The following EIF4E variants were observed in gnomAD, a reference collection of about 807,000 sequenced individuals.
EIF4E encodes the protein eIF-4F 25 kDa subunit.
For missense variants in EIF4E, 113 were observed against 265.6 expected, an observed-to-expected ratio of 0.43 and a Z score of 3.99; for synonymous variants, 71 against 88.5, an observed-to-expected ratio of 0.80 and a Z score of 1.11.
At chr4:98,892,352 A>AG (rs1724183369) in intron 2 of EIF4E, among the ~76,000 whole-genome samples, 1 of 147,190 alleles carries the variant, frequency 6.8e-6, no homozygotes, top group African/African-American at 2.5e-5. Flanking sequence ...AAAAAAAAAA[A>AG]CAAAAAAAAC....
intron 1 of EIF4E, among the ~76,000 whole-genome samples, chr4:98,913,204 T>C (rs1725228566): frequency 7.1e-6 from 1 of 141,038 alleles, no homozygotes; most frequent in Non-Finnish European, 1.6e-5. Flanking sequence ...CAAGACTCCA[T>C]CTCAAAAAAA....
intron 1 of EIF4E, among the ~76,000 whole-genome samples, chr4:98,911,661 C>CAAAAAAAA (rs767631331): frequency 1.3e-4 from 8 of 60,042 alleles, no homozygotes; most frequent in African/African-American, 3.7e-4. Flanking sequence ...AACTCTGTCT[C>CAAAAAAAA]AAAAAAAAAA....
rs368665478 is a variant in EIF4E at position 98,922,333 on chromosome 4, G to A, written c.18+6762C>T. 3.2e-4 allele frequency among the ~76,000 whole-genome samples: 48 copies of A among 152,150 alleles called. 1 individual carries two copies. The East Asian group carries it at 6.6e-3, about 21-fold the overall frequency. On this transcript the variant is annotated intron_variant, in intron 1 of 6. Transcript: ENST00000450253. ...AGCACTTTGGGAGGCTGAGGTGGGC[G>A]GATCACGAGGTCAGGAGTTCGAGAC... is the stretch of plus-strand genomic sequence containing the variant.
chr4:98,890,234 G>C (rs1055007850), intron 3 of EIF4E, among the ~76,000 whole-genome samples: 12 of 152,050 alleles, frequency 7.9e-5, no homozygotes, highest in Non-Finnish European at 1.8e-4. Flanking sequence ...CTATTTCTTT[G>C]TATGAGCAGA....
At chr4:98,884,351 G>A (rs1442388648) in intron 6 of EIF4E, among the ~76,000 whole-genome samples, 1 of 152,164 alleles carries the variant, frequency 6.6e-6, no homozygotes, top group East Asian at 1.9e-4. Flanking sequence ...CCAAAGGAGA[G>A]TGCTCTAGTG....
rs1723581430 is a variant in EIF4E, at chr4:98,879,430, T to C, written c.*1598A>G. On this transcript the variant is annotated 3_prime_UTR_variant, in exon 7 of 7. Coordinates refer to ENST00000450253, the MANE Select transcript of EIF4E (RefSeq NM_001968.5). ...CAGTTTGGCTTATCCTTTGGTCTGATAGCCATACTTCATCTCACAGGACTA... is the reference window on the plus strand; with the variant it reads ...CAGTTTGGCTTATCCTTTGGTCTGACAGCCATACTTCATCTCACAGGACTA... 6.6e-6 allele frequency: 1 copy of C among 152,166 alleles called. No homozygotes were observed. Among genetic ancestry groups the C allele is most frequent in the Non-Finnish European group, 1.5e-5 (1 of 68,010 alleles). The allele number at this position is 152,166 out of a possible 1,614,324, so 9.4% of individuals were successfully genotyped here. A position where few individuals can be genotyped will look rare whatever the true frequency, so the allele number is the denominator to read the frequency against.
chr4:98,921,719 C>T (rs1384988334), intron 1 of EIF4E, among the ~76,000 whole-genome samples: 1 of 152,138 alleles, frequency 6.6e-6, no homozygotes, highest in Non-Finnish European at 1.5e-5. Context: ...AGACTTATCA[C>T]CAAAATTACT....
chr4:98,915,015 C>G (rs1725317313), intron 1 of EIF4E, among the ~76,000 whole-genome samples: 1 of 152,236 alleles, frequency 6.6e-6, no homozygotes, highest in Non-Finnish European at 1.5e-5. Flanking sequence ...ACAATCACAG[C>G]TCACTGAAGT....
chr4:98,913,152 G>A (rs1223275797), intron 1 of EIF4E, among the ~76,000 whole-genome samples: 1 of 151,412 alleles, frequency 6.6e-6, no homozygotes. Flanking sequence ...AGGTTGCAGT[G>A]AGCCAAGGTA....
At chr4:98,907,664 G>T (rs1003202108) in intron 1 of EIF4E, among the ~76,000 whole-genome samples, 2 of 152,166 alleles carry the variant, frequency 1.3e-5, no homozygotes, top group African/African-American at 4.8e-5. Flanking sequence ...CAACAAGACA[G>T]CCTGGATCCA....
chr4:98,887,721 T>C lies in EIF4E; in HGVS notation c.285+168A>G, dbSNP rs994636. Among the ~76,000 whole-genome samples the C allele has an allele frequency of 0.13, 19,334 of 152,134 alleles. 1,376 individuals are homozygous for C. Among genetic ancestry groups the C allele is most frequent in the East Asian group, 0.19 (979 of 5,174 alleles). On this transcript the variant is annotated intron_variant, in intron 4 of 6. Transcript: ENST00000450253. This position sits in a 1 kb window ranked among gnomAD's most constrained non-coding sequence, Gnocchi z 4.0. ...CAGAGTAACTCTCTCTCAATTTTTA[T>C]AAACAAATAGAATAAGATATATTGA...
rs1240499031 is a variant in EIF4E at position 98,880,355 on chromosome 4, A to T, written c.*673T>A. 4.4e-5 allele frequency: 5 copies of T among 113,110 alleles called. No individual in the cohort carries two copies. The highest frequency in any genetic ancestry group is 1.7e-4 in the African/African-American group (5 of 29,148). The allele number at this position is 113,110 out of a possible 1,614,324, so 7.0% of individuals were successfully genotyped here. ...TAGCAAAGCTTTGTAGTTACAAAAA[A>T]CAAAAAAAATTACCAAAGAATGCAC... On this transcript the variant is annotated 3_prime_UTR_variant, in exon 7 of 7. Transcript: ENST00000450253.
At chr4:98,884,760 TGC>T (rs1481187632) in intron 6 of EIF4E, among the ~76,000 whole-genome samples, 160 bp downstream of exon 6, 4 of 152,028 alleles carry the variant, frequency 2.6e-5, no homozygotes, top group African/African-American at 9.7e-5. Flanking sequence ...AACAAGACGT[TGC>T]GCACCAATTG....
chr4:98,918,954 T>C (rs28499420), intron 1 of EIF4E, among the ~76,000 whole-genome samples: 19,627 of 152,162 alleles, frequency 0.13, 1,427 homozygotes, highest in African/African-American at 0.19. Context: ...CTGTGTACTT[T>C]TGCATAAAAC....
At chr4:98,894,474 C>A (rs1276497102) in intron 2 of EIF4E, among the ~76,000 whole-genome samples, 1 of 152,168 alleles carries the variant, frequency 6.6e-6, no homozygotes, top group Non-Finnish European at 1.5e-5. Flanking sequence ...CTATATCAGC[C>A]CTTGCTGCTT....
At position 98,905,936 on chromosome 4, in the gene EIF4E, T is replaced by C. The variant is rs150325858; in HGVS notation, c.19-3954A>G. ...AATCCTAATATTATAGAGGTAAATA[T>C]TTCCCAGATCTAGCATCATTCTGTG... is the stretch of plus-strand genomic sequence containing the variant. On this transcript the variant is annotated intron_variant, in intron 1 of 6. Coordinates refer to ENST00000450253, the MANE Select transcript of EIF4E (RefSeq NM_001968.5). Among the ~76,000 whole-genome samples the C allele has an allele frequency of 7.9e-4, 121 of 152,328 alleles. No individual in the cohort carries two copies. In the East Asian group the frequency reaches 0.014, roughly 17 times the overall value.
intron 6 of EIF4E, among the ~76,000 whole-genome samples, chr4:98,882,745 C>A (rs1002047989): frequency 6.6e-6 from 1 of 151,162 alleles, no homozygotes; most frequent in Non-Finnish European, 1.5e-5. Context: ...GTTTGAAAAT[C>A]TGAAGTCTTA....
At chr4:98,921,233 A>AT (rs1725634230) in intron 1 of EIF4E, among the ~76,000 whole-genome samples, 1 of 152,190 alleles carries the variant, frequency 6.6e-6, no homozygotes, top group South Asian at 2.1e-4. Context: ...TCACATATCA[A>AT]TTAAAATATC....
chr4:98,901,997 T>A lies in EIF4E; in HGVS notation c.19-15A>T. On this transcript the variant is annotated splice_polypyrimidine_tract_variant and intron_variant, in intron 1 of 6. Transcript: ENST00000450253. ...GGGGTGGTTTCCTAGTGGAAAATAA[T>A]ATAAAACATTATTTTAAATGTCTTA... is the stretch of plus-strand genomic sequence containing the variant. 6.3e-7 allele frequency: 1 copy of A among 1,590,702 alleles called. No individual in the cohort carries two copies. The highest frequency in any genetic ancestry group is 8.6e-7 in the Non-Finnish European group (1 of 1,159,012).
Sources: allele counts gnomAD v4.1 joint callset (sites outside exome capture counted in the v4.1 genomes callset), GRCh38; gene constraint gnomAD v4.1.1; non-coding constraint Gnocchi (gnomAD v3.1); transcripts MANE v1.5; gene names NCBI Gene and HGNC (gene_info 2026-07-23, HGNC 2026-07-21).